Variants in ITGB6 observed in about 807,000 individuals in gnomAD.
ITGB6 encodes integrin beta-6.
A neutral mutation model predicts 84.5 loss-of-function variants in ITGB6; 80 were observed. That is an observed-to-expected ratio of 0.95 (90% CI 0.79 to 1.14). The LOEUF (loss-of-function observed/expected upper bound fraction) is 1.14. ITGB6 is among the 50% of genes most tolerant of loss of function. ITGB6 has a pLI of 0.00. For missense variants in ITGB6, 1,006 were observed against 968.0 expected, an observed-to-expected ratio of 1.04 and a Z score of -0.52; for synonymous variants, 383 against 354.9, an observed-to-expected ratio of 1.08 and a Z score of -0.89.
intron 1 of ITGB6, among the ~76,000 whole-genome samples, chr2:160,199,551 T>A (rs1459125185): frequency 1.3e-5 from 2 of 152,230 alleles, no homozygotes; most frequent in African/African-American, 2.4e-5. Flanking sequence ...TATTTATTAT[T>A]CTTAGCCAAT....
At chr2:160,140,784 G>C (rs981763078) in intron 8 of ITGB6, among the ~76,000 whole-genome samples, 4 of 152,144 alleles carry the variant, frequency 2.6e-5, no homozygotes, top group Non-Finnish European at 5.9e-5. Flanking sequence ...TAATTTTAAT[G>C]GACACATCTG....
At chr2:160,133,745 C>T (rs561064793) in intron 10 of ITGB6, among the ~76,000 whole-genome samples, 7 of 152,146 alleles carry the variant, frequency 4.6e-5, no homozygotes, top group East Asian at 3.9e-4. Flanking sequence ...CTCAGGATTA[C>T]GAAACTCACT....
intron 4 of ITGB6, among the ~76,000 whole-genome samples, chr2:160,175,354 T>C (rs535692326): frequency 2.1e-4 from 32 of 152,352 alleles, no homozygotes; most frequent in South Asian, 1.0e-3. Flanking sequence ...TGCCGTGTTT[T>C]CTGAGTCATT....
chr2:160,143,443 G>A (rs1039326641), intron 7 of ITGB6, among the ~76,000 whole-genome samples: 1 of 152,100 alleles, frequency 6.6e-6, no homozygotes, highest in African/African-American at 2.4e-5. Flanking sequence ...TCTCCTTGGT[G>A]AGCTCTAAGG....
chr2:160,159,682 GGCCTTTGCACAC>G (rs1353648458), intron 7 of ITGB6, among the ~76,000 whole-genome samples: 1 of 151,882 alleles, frequency 6.6e-6, no homozygotes, highest in Non-Finnish European at 1.5e-5. Context: ...GCTGCCTCAG[GGCCTTTGCACAC>G]GCCTTTGCCT....
At chr2:160,183,909 T>C (rs1685788093) in intron 4 of ITGB6, among the ~76,000 whole-genome samples, 1 of 152,034 alleles carries the variant, frequency 6.6e-6, no homozygotes, top group Non-Finnish European at 1.5e-5. Flanking sequence ...AAGGCAGAAA[T>C]AAAGAAGTTC....
At chr2:160,106,150 T>C (rs1433294512) in intron 14 of ITGB6, among the ~76,000 whole-genome samples, 5 of 152,222 alleles carry the variant, frequency 3.3e-5, no homozygotes, top group Non-Finnish European at 4.4e-5. Context: ...CACCATGCCA[T>C]TATCATACCT....
intron 8 of ITGB6, among the ~76,000 whole-genome samples, chr2:160,141,651 A>AT (rs1014476604): frequency 6.6e-6 from 1 of 151,530 alleles, no homozygotes; most frequent in Non-Finnish European, 1.5e-5. Flanking sequence ...TTTAAACTTC[A>AT]TTTTTTTTCA....
intron 7 of ITGB6, among the ~76,000 whole-genome samples, chr2:160,153,706 AT>A (rs1485370505): frequency 1.3e-5 from 2 of 152,188 alleles, no homozygotes; most frequent in African/African-American, 4.8e-5. Flanking sequence ...AAGGGCTAAT[AT>A]CCAGAATCTA....
intron 4 of ITGB6, among the ~76,000 whole-genome samples, chr2:160,179,198 A>G (rs1262144449): frequency 1.3e-5 from 2 of 151,986 alleles, no homozygotes; most frequent in Non-Finnish European, 2.9e-5. Context: ...CTATAATCAC[A>G]TATACTAAAG....
chr2:160,150,875 TA>T (rs1684387623), intron 7 of ITGB6, among the ~76,000 whole-genome samples: 1 of 152,026 alleles, frequency 6.6e-6, no homozygotes, highest in Non-Finnish European at 1.5e-5. Flanking sequence ...TACATAATGG[TA>T]AAGGGATCAA....
intron 10 of ITGB6, among the ~76,000 whole-genome samples, chr2:160,136,621 A>G (rs1683736201): frequency 1.3e-5 from 2 of 152,242 alleles, no homozygotes; most frequent in African/African-American, 4.8e-5. Context: ...TTGCGGCACT[A>G]TTCACAATAG....
At chr2:160,118,960 G>A (rs1386462387) in intron 12 of ITGB6, among the ~76,000 whole-genome samples, 1 of 152,104 alleles carries the variant, frequency 6.6e-6, no homozygotes, top group Admixed American at 6.6e-5. Flanking sequence ...ACTTACAAGG[G>A]ATGTGAAGGA....
At chr2:160,189,616 C>A in intron 4 of ITGB6, among the ~76,000 whole-genome samples, 1 of 152,180 alleles carries the variant, frequency 6.6e-6, no homozygotes, top group Non-Finnish European at 1.5e-5. Flanking sequence ...GTCATCATCA[C>A]TGGCCATCAG....
intron 6 of ITGB6, among the ~76,000 whole-genome samples, chr2:160,171,337 ATTTTTTTT>A (rs71408117): frequency 7.1e-6 from 1 of 141,308 alleles, no homozygotes; most frequent in African/African-American, 2.6e-5. Context: ...TTATTTTTTT[ATTTTTTTT>A]TTTTTTGGAG....
chr2:160,104,152 G>T lies in ITGB6; in HGVS notation c.2269-2318C>A, dbSNP rs114840029. On this transcript the variant is annotated intron_variant, in intron 14 of 14. Coordinates refer to ENST00000283249, the MANE Select transcript of ITGB6 (RefSeq NM_000888.5). Reference sequence around the variant, plus strand: ...AGGGCCAAGACATTGCTTATAGGGAGTGATGGGTAAAGCAGACTTCACTAG... The same window carrying T: ...AGGGCCAAGACATTGCTTATAGGGATTGATGGGTAAAGCAGACTTCACTAG... Among the ~76,000 whole-genome samples, 349 of 152,312 alleles carry T rather than the reference G, an allele frequency of 2.3e-3. 1 individual carries two copies. The highest frequency in any genetic ancestry group is 7.9e-3 in the African/African-American group (328 of 41,570).
Position 160,101,653 on chromosome 2 carries a change from T to A in ITGB6, c.*83A>T. Reference sequence around the variant, plus strand: ...TTATTATCTTAAACCAACCTCATTTTGAAGCAACAAAGAGAAAAAAATTAA... The same window carrying A: ...TTATTATCTTAAACCAACCTCATTTAGAAGCAACAAAGAGAAAAAAATTAA... On this transcript the variant is annotated 3_prime_UTR_variant, in exon 15 of 15. Transcript: ENST00000283249. 1 of 804,024 alleles carries A rather than the reference T, an allele frequency of 1.2e-6. No individual in the cohort carries two copies. The highest frequency in any genetic ancestry group is 1.5e-5 in the South Asian group (1 of 67,528). The allele number at this position is 804,024 out of a possible 1,614,324, so 49.8% of individuals were successfully genotyped here. A position where few individuals can be genotyped will look rare whatever the true frequency, so the allele number is the denominator to read the frequency against.
At chr2:160,131,556 C>T (rs1410226925) in intron 10 of ITGB6, among the ~76,000 whole-genome samples, 1 of 152,124 alleles carries the variant, frequency 6.6e-6, no homozygotes, top group South Asian at 2.1e-4. Context: ...AGCACAATGC[C>T]AGGCACATAG....
rs762307594 is a variant in ITGB6 at position 160,126,532 on chromosome 2, G to T, written c.1730C>A (p.Thr577Asn). Residue 577 changes from threonine to asparagine, a missense_variant, in exon 11 of 15, where the codon ACC becomes AAC. Physicochemically the swap from Thr to Asn is moderately conservative, Grantham distance 65 (BLOSUM62 0). Transcript: ENST00000283249. ...SGWTGEYCNCTTSTDSCVSED... is the reference protein window; with the variant it reads ...SGWTGEYCNCNTSTDSCVSED... The stretch of plus-strand genomic sequence containing the variant: ...AGAGACGCAGGAGTCCGTGCTGGTG[G>T]TGCAGTTGCAGTACTCGCCAGTCCA... 4.3e-6 allele frequency: 7 copies of T among 1,614,096 alleles called. No homozygotes were observed. In the South Asian group the frequency reaches 7.7e-5, roughly 18 times the overall value.
Sources: allele counts gnomAD v4.1 joint callset (sites outside exome capture counted in the v4.1 genomes callset), GRCh38; gene constraint gnomAD v4.1.1; transcripts MANE v1.5; gene names NCBI Gene and HGNC (gene_info 2026-07-23, HGNC 2026-07-21).